Variants in TUSC3 observed in about 807,000 individuals in gnomAD.
The protein encoded by TUSC3 is dolichyl-diphosphooligosaccharide--protein glycosyltransferase subunit TUSC3.
In TUSC3, 45 loss-of-function variants were observed where a neutral mutation model predicts 44.8. That is an observed-to-expected ratio of 1.00 (90% CI 0.79 to 1.29). The LOEUF is 1.29. Ranked by LOEUF, TUSC3 falls within the 50% of genes most tolerant of loss-of-function variation. TUSC3 has a pLI of 0.00. For synonymous variants in TUSC3, 212 were observed against 152.9 expected (o/e 1.39, Z -2.85); for missense variants, 519 against 437.9 (o/e 1.19, Z -1.65).
At chr8:15,651,484 A>C (rs1196088644) in intron 3 of TUSC3, among the ~76,000 whole-genome samples, 1 of 152,190 alleles carries the variant, frequency 6.6e-6, no homozygotes, top group Non-Finnish European at 1.5e-5. Flanking sequence ...CCTTGAAGGA[A>C]GTAATTAAGG....
chr8:15,578,700 T>C (rs1803207468), intron 1 of TUSC3, among the ~76,000 whole-genome samples: 1 of 152,092 alleles, frequency 6.6e-6, no homozygotes, highest in South Asian at 2.1e-4. Context: ...TTTGAAGTGC[T>C]GCTGGATTCG....
chr8:15,578,761 T>G, intron 1 of TUSC3, among the ~76,000 whole-genome samples: 1 of 136,008 alleles, frequency 7.4e-6, no homozygotes, highest in South Asian at 2.4e-4. Context: ...ATCAAGGATA[T>G]TGGTCTAAAA....
In TUSC3 at chr8:15,577,656, C is replaced by A. The variant is rs1459362324; in HGVS notation, c.138+37088C>A. Among the ~76,000 whole-genome samples the A allele has an allele frequency of 2.7e-5, 4 of 147,028 alleles. No homozygotes were observed. In the South Asian group the frequency reaches 9.1e-4, roughly 33 times the overall value. On this transcript the variant is annotated intron_variant, in intron 1 of 10. Coordinates refer to ENST00000503731, the MANE Select transcript of TUSC3 (RefSeq NM_006765.4). ...CGGTGTTATTTCTGAGGGCTCTGTT[C>A]TGTTCCATTGATCTATATCTCTGTT...
intron 8 of TUSC3, among the ~76,000 whole-genome samples, chr8:15,745,633 C>CT (rs1489531439): frequency 6.6e-6 from 1 of 151,618 alleles, no homozygotes; most frequent in African/African-American, 2.4e-5. Flanking sequence ...CCTTTTTCTA[C>CT]TTTTTAATGG....
At chr8:15,781,308 G>A in the TUSC3 span, among the ~76,000 whole-genome samples, 2 of 152,230 alleles carry the variant, frequency 1.3e-5, no homozygotes, top group Non-Finnish European at 2.9e-5. Flanking sequence ...CATCCAATAG[G>A]TCTGGCTCTT....
At chr8:15,776,855 T>G in the TUSC3 span, among the ~76,000 whole-genome samples, 1 of 152,112 alleles carries the variant, frequency 6.6e-6, no homozygotes, top group Non-Finnish European at 1.5e-5. Context: ...TTTACTGTTA[T>G]GTGAAAGAAA....
chr8:15,501,250 T>G (rs1800960844), intron 2 of TUSC3, among the ~76,000 whole-genome samples: 1 of 152,172 alleles, frequency 6.6e-6, no homozygotes. Context: ...TTCCTTCTCT[T>G]TACTTCATAA....
chr8:15,699,201 A>G (rs1025772415), intron 6 of TUSC3, among the ~76,000 whole-genome samples: 1 of 152,198 alleles, frequency 6.6e-6, no homozygotes, highest in African/African-American at 2.4e-5. Flanking sequence ...TGTAAATATA[A>G]CTAGCAATCA....
At chr8:15,846,642 A>G in the TUSC3 span, among the ~76,000 whole-genome samples, 1 of 152,080 alleles carries the variant, frequency 6.6e-6, no homozygotes, top group Non-Finnish European at 1.5e-5. Flanking sequence ...TCACTCACTC[A>G]TAAGTGGGAA....
At chr8:15,435,558 A>G (rs553901874) in intron 1 of TUSC3, among the ~76,000 whole-genome samples, 9 of 152,314 alleles carry the variant, frequency 5.9e-5, no homozygotes, top group Admixed American at 2.0e-4. Context: ...ACTGTTTCCA[A>G]TTTCCAACAT....
chr8:15,445,524 C>T (rs370590406), intron 1 of TUSC3, among the ~76,000 whole-genome samples: 16 of 152,072 alleles, frequency 1.1e-4, no homozygotes, highest in African/African-American at 3.4e-4. Context: ...TGACTCTTAA[C>T]GAGCATGCTG....
At chr8:15,654,183 C>T (rs555385149) in intron 3 of TUSC3, among the ~76,000 whole-genome samples, 1 of 152,234 alleles carries the variant, frequency 6.6e-6, no homozygotes, top group Admixed American at 6.5e-5. Context: ...CTATAGTTTT[C>T]ATGTGGGGAG....
At position 15,657,378 on chromosome 8, in the gene TUSC3, C is replaced by A. The variant is rs184789191; in HGVS notation, c.427-2129C>A. Among the ~76,000 whole-genome samples the A allele has an allele frequency of 8.8e-3, 1,336 of 152,250 alleles. 20 individuals are homozygous for A. The highest frequency in any genetic ancestry group is 0.031 in the African/African-American group (1,275 of 41,520). On this transcript the variant is annotated intron_variant, in intron 3 of 10. Transcript: ENST00000503731. ...CTTAGATATCTCTTCTGCCAGATAT[C>A]CTCGTTGATTGCTTTTAAGTTCTGC... is the stretch of plus-strand genomic sequence containing the variant.
chr8:15,432,675 T>C (rs949064992), intron 1 of TUSC3, among the ~76,000 whole-genome samples: 2 of 152,124 alleles, frequency 1.3e-5, no homozygotes, highest in Non-Finnish European at 1.5e-5. Flanking sequence ...GTGCTATGGT[T>C]ATGTCTCAAT....
chr8:15,445,143 A>G lies in TUSC3; in HGVS notation n.91+27838A>G, dbSNP rs564877358. On this transcript the variant is annotated intron_variant and non_coding_transcript_variant, in intron 1 of 5. Coordinates refer to the TUSC3 transcript ENST00000503191. ...AAATACATGGGTAGAAAGCAGGAAA[A>G]AGGAAAATTCAATGACCGTGGGTCT... Among the ~76,000 whole-genome samples the G allele has an allele frequency of 3.8e-3, 579 of 152,294 alleles. 5 individuals carry two copies. Among genetic ancestry groups the G allele is most frequent in the Non-Finnish European group, 6.6e-3 (449 of 68,008 alleles).
At chr8:15,624,934 T>C (rs1022555096) in intron 2 of TUSC3, among the ~76,000 whole-genome samples, 1 of 152,338 alleles carries the variant, frequency 6.6e-6, no homozygotes, top group East Asian at 1.9e-4. Flanking sequence ...TTTTACAGTT[T>C]GATCTGCTCT....
At chr8:15,708,479 G>C (rs1809710120) in intron 6 of TUSC3, among the ~76,000 whole-genome samples, 1 of 151,894 alleles carries the variant, frequency 6.6e-6, no homozygotes, top group African/African-American at 2.4e-5. Flanking sequence ...ACATATAATG[G>C]CTTCCTAAAT....
Position 15,499,320 on chromosome 8 carries a change from C to A in TUSC3, n.189+15837C>A, listed in dbSNP as rs554786955. On this transcript the variant is annotated intron_variant and non_coding_transcript_variant, in intron 2 of 5. Transcript: ENST00000503191. ...CATAAAAGGCACAGGTCAAAGTGTG[C>A]TTTTAAATCAGTTTTGTCATATGTA... 9.2e-5 allele frequency among the ~76,000 whole-genome samples: 14 copies of A among 152,304 alleles called. No homozygotes were observed. The South Asian group carries it at 2.9e-3, about 32-fold the overall frequency.
intron 5 of TUSC3, among the ~76,000 whole-genome samples, chr8:15,664,581 C>T (rs1368300992): frequency 6.7e-6 from 1 of 149,428 alleles, no homozygotes; most frequent in South Asian, 2.1e-4. Flanking sequence ...CCAATCACAG[C>T]CTTTTAGAAG....
Sources: allele counts gnomAD v4.1 joint callset (sites outside exome capture counted in the v4.1 genomes callset), GRCh38; gene constraint gnomAD v4.1.1; transcripts MANE v1.5; gene names NCBI Gene and HGNC (gene_info 2026-07-23, HGNC 2026-07-21).